The following CREB3L1 variants were observed in gnomAD, a reference collection of about 807,000 sequenced individuals.
CREB3L1 encodes cAMP responsive element binding protein 3 like 1.
A neutral mutation model predicts 54.5 loss-of-function variants in CREB3L1; 33 were observed. The observed-to-expected ratio is 0.61, with a 90% CI of 0.46 to 0.81. The LOEUF is 0.81. Ranked by LOEUF, CREB3L1 falls within the 30% of genes least tolerant of loss-of-function variation. The pLI is 0.00. For synonymous variants in CREB3L1, 284 were observed against 286.4 expected (o/e 0.99, Z 0.08); for missense variants, 656 against 673.3 (o/e 0.97, Z 0.29).
Position 46,306,356 on chromosome 11 carries a change from T to G in CREB3L1, c.332-1460T>G, listed in dbSNP as rs538946548. ...CATCTCTACAAAAAAATACAAAAAT[T>G]AGCTGGGCATGGTGGCATGCGCCTG... On this transcript the variant is annotated intron_variant, in intron 2 of 11. Coordinates refer to ENST00000621158, the MANE Select transcript of CREB3L1 (RefSeq NM_052854.4). Among the ~76,000 whole-genome samples, 12 of 152,102 alleles carry G rather than the reference T, an allele frequency of 7.9e-5. No homozygotes were observed. The South Asian group carries it at 2.3e-3, about 29-fold the overall frequency.
chr11:46,290,446 A>C (rs1435004902), intron 1 of CREB3L1, among the ~76,000 whole-genome samples: 2 of 151,812 alleles, frequency 1.3e-5, no homozygotes, highest in African/African-American at 2.4e-5. Flanking sequence ...AGCCCCACTC[A>C]CCATCCTTCC....
intron 1 of CREB3L1, among the ~76,000 whole-genome samples, chr11:46,280,526 C>T (rs1018179024): frequency 6.6e-6 from 1 of 152,110 alleles, no homozygotes; most frequent in Non-Finnish European, 1.5e-5. Context: ...TTGACTTCCT[C>T]ATCTGAAAAA....
Position 46,288,970 on chromosome 11 carries a change from TGCAGGAAGTTAGA to T in CREB3L1, c.102+10762_102+10774del, listed in dbSNP as rs1566181109. ...TTTGAAGCTTAAATGAGATACTACA[TGCAGGAAGTTAGA>T]GCAGTGCCTGGTACATAAATATTCG... On this transcript the variant is annotated intron_variant, in intron 1 of 11. Coordinates refer to ENST00000621158, the MANE Select transcript of CREB3L1 (RefSeq NM_052854.4). Among the ~76,000 whole-genome samples, 3 of 152,360 alleles carry T rather than the reference TGCAGGAAGTTAGA, an allele frequency of 2.0e-5. No individual in the cohort carries two copies. In the East Asian group the frequency reaches 5.8e-4, roughly 29 times the overall value.
intron 8 of CREB3L1, chr11:46,315,238 AC>A: frequency 8.6e-6 from 2 of 233,044 alleles, no homozygotes; most frequent in South Asian, 7.9e-5. Context: ...CTGACCCCCC[AC>A]CCCACCCCTC....
At chr11:46,293,319 C>T (rs1036094702) in intron 1 of CREB3L1, among the ~76,000 whole-genome samples, 1 of 152,230 alleles carries the variant, frequency 6.6e-6, no homozygotes, top group Non-Finnish European at 1.5e-5. Flanking sequence ...GGCGGCGGCA[C>T]TCGCTGCCAT....
intron 11 of CREB3L1, 43 bp downstream of exon 11, chr11:46,320,571 A>G: frequency 6.4e-7 from 1 of 1,553,044 alleles, no homozygotes; most frequent in Non-Finnish European, 8.7e-7. Flanking sequence ...CTCAGGCTCC[A>G]CCTGCCTCCT....
chr11:46,314,743 T>G (rs1939540803), intron 8 of CREB3L1, among the ~76,000 whole-genome samples: 2 of 151,748 alleles, frequency 1.3e-5, no homozygotes. Context: ...AGTCTTGCTC[T>G]GTCGCCCAGG....
chr11:46,309,484 G>C (rs1939452768), intron 3 of CREB3L1, among the ~76,000 whole-genome samples: 1 of 152,210 alleles, frequency 6.6e-6, no homozygotes, highest in East Asian at 1.9e-4. Context: ...CCCATTAGGA[G>C]CTCTCATTGC....
At chr11:46,291,466 C>T (rs563217706) in intron 1 of CREB3L1, among the ~76,000 whole-genome samples, 8 of 152,316 alleles carry the variant, frequency 5.3e-5, no homozygotes, top group Admixed American at 4.6e-4. Flanking sequence ...AAAGCCTGCA[C>T]AGTGTATAGC....
At chr11:46,305,567 C>A (rs1315846814) in intron 2 of CREB3L1, among the ~76,000 whole-genome samples, 1 of 148,332 alleles carries the variant, frequency 6.7e-6, no homozygotes, top group East Asian at 2.0e-4. Context: ...GCAGAGTGAT[C>A]TTTTATATAT....
At chr11:46,315,100 A>C (rs778493742) in intron 8 of CREB3L1, 7 of 212,512 alleles carry the variant, frequency 3.3e-5, no homozygotes, top group Non-Finnish European at 6.1e-5. Context: ...ACAATAACCT[A>C]GACAACAGCC....
chr11:46,293,405 G>T (rs1420918559), intron 1 of CREB3L1, among the ~76,000 whole-genome samples: 2 of 152,242 alleles, frequency 1.3e-5, no homozygotes, highest in Non-Finnish European at 2.9e-5. Flanking sequence ...CTGGTAAGAA[G>T]ATGCCAGGGG....
rs547897640 is a variant in CREB3L1 at position 46,278,452 on chromosome 11, C to G, written c.102+239C>G. On this transcript the variant is annotated intron_variant, in intron 1 of 11. Coordinates refer to ENST00000621158, the MANE Select transcript of CREB3L1 (RefSeq NM_052854.4). The surrounding 1 kb of genome is among the most constrained non-coding windows in gnomAD (Gnocchi z 4.2). ...GGGCCATCGAGGTATCGGGTCCGTC[C>G]GATCCTCGGATCTGAGCTCAAGAGA... Among the ~76,000 whole-genome samples, 2 of 152,218 alleles carry G rather than the reference C, an allele frequency of 1.3e-5. No homozygotes were observed. Among genetic ancestry groups the G allele is most frequent in the African/African-American group, 4.8e-5 (2 of 41,460 alleles).
At chr11:46,302,526 G>A (rs1166652141) in intron 2 of CREB3L1, among the ~76,000 whole-genome samples, 1 of 152,152 alleles carries the variant, frequency 6.6e-6, no homozygotes, top group Non-Finnish European at 1.5e-5. Context: ...CTTAACCTCT[G>A]TAATCCTTAG....
At chr11:46,287,489 GT>G (rs558175804) in intron 1 of CREB3L1, among the ~76,000 whole-genome samples, 1 of 151,292 alleles carries the variant, frequency 6.6e-6, no homozygotes, top group Non-Finnish European at 1.5e-5. Context: ...TTGTAAAGAT[GT>G]TTTTTTTGCC....
At chr11:46,299,192 T>C (rs1020949309) in intron 1 of CREB3L1, among the ~76,000 whole-genome samples, 6 of 152,182 alleles carry the variant, frequency 3.9e-5, no homozygotes, top group African/African-American at 1.4e-4. Context: ...CGTGACCCAC[T>C]AAATTGATTT....
At chr11:46,285,428 G>A (rs1442050537) in intron 1 of CREB3L1, among the ~76,000 whole-genome samples, 2 of 152,196 alleles carry the variant, frequency 1.3e-5, no homozygotes, top group African/African-American at 4.8e-5. Context: ...CCTGGACCAG[G>A]ATTGGGGAAT....
At chr11:46,298,657 C>G (rs529757058) in intron 1 of CREB3L1, among the ~76,000 whole-genome samples, 2 of 152,252 alleles carry the variant, frequency 1.3e-5, no homozygotes, top group African/African-American at 4.8e-5. Flanking sequence ...CAAAATCATG[C>G]CACTGCACTC....
intron 1 of CREB3L1, 23 bp from the exon 2 acceptor site, chr11:46,299,912 C>T (rs1025553944): frequency 5.1e-6 from 8 of 1,580,058 alleles, no homozygotes; most frequent in African/African-American, 4.0e-5. Context: ...ATTCCCTCTT[C>T]CCCTCACCTC....
Sources: gnomAD v4.1 joint callset for allele counts (sites outside exome capture counted in the v4.1 genomes callset) on GRCh38, gnomAD v4.1.1 for gene constraint, Gnocchi (gnomAD v3.1) non-coding constraint, MANE v1.5 for transcripts, NCBI Gene and HGNC (gene_info 2026-07-23, HGNC 2026-07-21) for gene names.